Variants in SDK1 observed in about 807,000 individuals in gnomAD.
The protein encoded by SDK1 is protein sidekick-1.
Under a neutral mutation model 245.5 loss-of-function variants are expected in SDK1, and 157 were observed. The ratio of observed to expected loss-of-function variants is 0.64; its 90% CI spans 0.56 to 0.73. The LOEUF (loss-of-function observed/expected upper bound fraction) is 0.73. Among genes scored for constraint, SDK1 ranks in the 30% least tolerant of loss-of-function variants. SDK1 has a pLI of 0.00. For missense variants in SDK1, 3,583 were observed against 3,002.3 expected (o/e 1.19, Z -4.52); for synonymous variants, 1,647 against 1,278.5 (o/e 1.29, Z -6.15).
At chr7:3,502,174 G>C (rs1233183676) in intron 1 of SDK1, among the ~76,000 whole-genome samples, 1 of 151,874 alleles carries the variant, frequency 6.6e-6, no homozygotes, top group Non-Finnish European at 1.5e-5. Context: ...CTTCTTCAAA[G>C]AATTTTGACA....
chr7:3,504,377 C>A (rs1694657184), intron 1 of SDK1, among the ~76,000 whole-genome samples: 1 of 151,690 alleles, frequency 6.6e-6, no homozygotes, highest in African/African-American at 2.4e-5. Context: ...AAAAGAAGAT[C>A]AAAGTTGGAG....
chr7:3,737,035 C>G (rs1020390597), intron 4 of SDK1, among the ~76,000 whole-genome samples: 1 of 152,352 alleles, frequency 6.6e-6, no homozygotes, highest in African/African-American at 2.4e-5. Flanking sequence ...TTGTCTCTGT[C>G]TGATTCCACT....
chr7:3,685,265 G>C (rs1372625724), intron 4 of SDK1, among the ~76,000 whole-genome samples: 2 of 151,084 alleles, frequency 1.3e-5, no homozygotes, highest in African/African-American at 4.9e-5. Context: ...AGGTGAAAAT[G>C]ACAGCAGTCA....
At chr7:3,336,898 A>G (rs6959232) in intron 1 of SDK1, among the ~76,000 whole-genome samples, 92,023 of 152,126 alleles carry the variant, frequency 0.6, 28,768 homozygotes, top group African/African-American at 0.78. Context: ...CTAGTGGGTA[A>G]CTGAATGTGC....
At chr7:4,004,331 A>G (rs1015871690) in intron 14 of SDK1, among the ~76,000 whole-genome samples, 3 of 152,254 alleles carry the variant, frequency 2.0e-5, no homozygotes, top group African/African-American at 7.2e-5. Flanking sequence ...AGACTGTTGT[A>G]GCAAAAACAG....
At chr7:3,347,719 T>C (rs181734558) in intron 1 of SDK1, among the ~76,000 whole-genome samples, 8 of 152,270 alleles carry the variant, frequency 5.3e-5, no homozygotes, top group Admixed American at 1.3e-4. Context: ...GTTATGTTCT[T>C]CTGAACCTTC....
At chr7:3,840,381 T>C (rs1032990577) in intron 5 of SDK1, among the ~76,000 whole-genome samples, 2 of 152,212 alleles carry the variant, frequency 1.3e-5, no homozygotes. Flanking sequence ...TAATGCTACA[T>C]GCCCATGAAA....
At chr7:4,104,874 T>G (rs956707233) in intron 22 of SDK1, among the ~76,000 whole-genome samples, 3 of 151,814 alleles carry the variant, frequency 2.0e-5, no homozygotes, top group Non-Finnish European at 4.4e-5. Context: ...GCTAATTTTT[T>G]TTTTAATTAT....
intron 25 of SDK1, among the ~76,000 whole-genome samples, chr7:4,125,101 T>A (rs1784298817): frequency 7.3e-6 from 1 of 137,284 alleles, no homozygotes; most frequent in Admixed American, 8.2e-5. Context: ...GATGGATGAG[T>A]GAATGGATGG....
At chr7:4,196,297 C>G (rs1783573056) in intron 35 of SDK1, among the ~76,000 whole-genome samples, 2 of 152,332 alleles carry the variant, frequency 1.3e-5, no homozygotes, top group Admixed American at 6.5e-5. Context: ...CCTCTGCAGC[C>G]TGTGACCTTG....
chr7:4,101,149 A>ATTT (rs376555352), intron 22 of SDK1, among the ~76,000 whole-genome samples: 6 of 137,708 alleles, frequency 4.4e-5, no homozygotes, highest in African/African-American at 1.1e-4. Flanking sequence ...GGACACTTGC[A>ATTT]TTTTTTTTTT....
chr7:4,145,761 A>G lies in SDK1; in HGVS notation c.4268A>G (p.His1423Arg). ...TACCGCCTGGCCAGCAGCAGCCCCCACACCTTCACCACCGTGGAGGTCGGC... is the reference window on the plus strand; with the variant it reads ...TACCGCCTGGCCAGCAGCAGCCCCCGCACCTTCACCACCGTGGAGGTCGGC... ...IAYRLASSSP[H>R]TFTTVEVGAT... The change falls in exon 29 of 45, where the codon CAC becomes CGC. Residue 1423 changes from histidine to arginine, a missense_variant. Coordinates refer to ENST00000404826, the MANE Select transcript of SDK1 (RefSeq NM_152744.4). The G allele has an allele frequency of 9.9e-6, 16 of 1,612,484 alleles. No individual in the cohort carries two copies. The highest frequency in any genetic ancestry group is 1.4e-5 in the Non-Finnish European group (16 of 1,179,370).
At chr7:3,470,771 T>C (rs1285201690) in intron 1 of SDK1, among the ~76,000 whole-genome samples, 1 of 152,184 alleles carries the variant, frequency 6.6e-6, no homozygotes, top group Non-Finnish European at 1.5e-5. Context: ...TTTTATGAAA[T>C]TTTGAGAGAA....
At chr7:3,780,304 G>A (rs1175998329) in intron 4 of SDK1, among the ~76,000 whole-genome samples, 1 of 152,144 alleles carries the variant, frequency 6.6e-6, no homozygotes, top group East Asian at 1.9e-4. Context: ...AACGTTCCAG[G>A]ATGCTTCACA....
intron 5 of SDK1, among the ~76,000 whole-genome samples, chr7:3,944,696 CTCT>C (rs1469038376): frequency 6.6e-6 from 1 of 152,146 alleles, no homozygotes; most frequent in East Asian, 1.9e-4. Flanking sequence ...ATCTGTTGAC[CTCT>C]TCTTGCTTAC....
At chr7:3,989,046 C>T (rs1453743184) in intron 14 of SDK1, among the ~76,000 whole-genome samples, 1 of 152,210 alleles carries the variant, frequency 6.6e-6, no homozygotes, top group Non-Finnish European at 1.5e-5. Flanking sequence ...TGAGCCACCG[C>T]GCCTGGCGTC....
intron 32 of SDK1, among the ~76,000 whole-genome samples, chr7:4,171,808 A>T (rs1781855754): frequency 6.6e-6 from 1 of 152,218 alleles, no homozygotes. Context: ...GGGCAGCGGG[A>T]GTCCTCGGAC....
intron 4 of SDK1, among the ~76,000 whole-genome samples, chr7:3,673,887 G>T (rs1044485123): frequency 6.6e-6 from 1 of 152,120 alleles, no homozygotes; most frequent in Non-Finnish European, 1.5e-5. Flanking sequence ...TTGATGAACT[G>T]ATTATAAAGT....
At chr7:3,644,281 T>C (rs1429092274) in intron 4 of SDK1, among the ~76,000 whole-genome samples, 4 of 150,518 alleles carry the variant, frequency 2.7e-5, no homozygotes, top group African/African-American at 7.3e-5. Context: ...GCAGCATATT[T>C]TAAAATTCTA....
Sources: allele counts gnomAD v4.1 joint callset (sites outside exome capture counted in the v4.1 genomes callset), GRCh38; gene constraint gnomAD v4.1.1; transcripts MANE v1.5; gene names NCBI Gene and HGNC (gene_info 2026-07-23, HGNC 2026-07-21).